SELENOT: variants seen among roughly 807,000 people sequenced by gnomAD.
SELENOT encodes the protein selenoprotein T.
SELENOT carries 9 observed loss-of-function variants against 24.3 expected under a neutral mutation model. The observed-to-expected ratio is 0.37, with a 90% confidence interval of 0.22 to 0.65. The LOEUF is 0.65. SELENOT is among the 30% of genes least tolerant of loss of function. SELENOT has a pLI of 0.60. For missense variants in SELENOT, 166 were observed against 247.6 expected, an observed-to-expected ratio of 0.67 and a Z score of 2.21; for synonymous variants, 81 against 86.0, an observed-to-expected ratio of 0.94 and a Z score of 0.32.
In SELENOT at chr3:150,628,128, A is replaced by G. The variant is rs1726482024; in HGVS notation, c.*499A>G. ...TTTATCAGACATCTCTAATTTGGCC[A>G]TGTCCAGTTTATACAGTTTACAAAA... On this transcript the variant is annotated 3_prime_UTR_variant, in exon 6 of 6. Transcript: ENST00000471696. 1 of 152,286 alleles carries G rather than the reference A, an allele frequency of 6.6e-6. No individual in the cohort carries two copies. Among genetic ancestry groups the G allele is most frequent in the Non-Finnish European group, 1.5e-5 (1 of 68,034 alleles). The allele number at this position is 152,286 out of a possible 1,614,324, so 9.4% of individuals were successfully genotyped here. A position where few individuals can be genotyped will look rare whatever the true frequency, so the allele number is the denominator to read the frequency against.
intron 1 of SELENOT, among the ~76,000 whole-genome samples, chr3:150,618,007 C>T (rs1726258483): frequency 6.6e-6 from 1 of 152,090 alleles, no homozygotes; most frequent in African/African-American, 2.4e-5. Flanking sequence ...CAGGCACGCG[C>T]CACCATGCCC....
intron 1 of SELENOT, chr3:150,614,626 C>T (rs1726172111): frequency 6.5e-6 from 1 of 154,002 alleles, no homozygotes; most frequent in South Asian, 2.0e-4. Flanking sequence ...TAAGATGAAC[C>T]TTGATAGGTA....
intron 1 of SELENOT, among the ~76,000 whole-genome samples, chr3:150,619,591 C>T (rs1034984779): frequency 7.2e-5 from 11 of 152,086 alleles, no homozygotes; most frequent in African/African-American, 2.7e-4. Flanking sequence ...ACATTTAGTC[C>T]GGAGCAGAAG....
chr3:150,611,603 T>A, intron 1 of SELENOT: 1 of 1,420,686 alleles, frequency 7.0e-7, no homozygotes. Flanking sequence ...TAAAGATGCC[T>A]GCGCTCTTAT....
chr3:150,607,555 C>A (rs1400754370), intron 1 of SELENOT, among the ~76,000 whole-genome samples: 1 of 152,282 alleles, frequency 6.6e-6, no homozygotes, highest in East Asian at 1.9e-4. Context: ...AGACATTAAT[C>A]CATGGACTGA....
At chr3:150,613,170 G>A (rs1726133851) in intron 1 of SELENOT, among the ~76,000 whole-genome samples, 1 of 152,184 alleles carries the variant, frequency 6.6e-6, no homozygotes, top group South Asian at 2.1e-4. Flanking sequence ...TGGAGGCTGG[G>A]AAGTCCACTG....
chr3:150,619,700 T>C (rs1349847272), intron 1 of SELENOT, among the ~76,000 whole-genome samples: 1 of 152,202 alleles, frequency 6.6e-6, no homozygotes, highest in Non-Finnish European at 1.5e-5. Flanking sequence ...AAGAGTGGAA[T>C]AATTTGAAAG....
intron 1 of SELENOT, among the ~76,000 whole-genome samples, chr3:150,605,955 C>T (rs1725952687): frequency 1.3e-5 from 2 of 152,216 alleles, no homozygotes; most frequent in East Asian, 3.9e-4. Flanking sequence ...CCTTCATTTC[C>T]ACTGACTTTT....
At chr3:150,622,634 A>G (rs1726367007) in intron 2 of SELENOT, 139 bp downstream of exon 2, 1 of 430,664 alleles carries the variant, frequency 2.3e-6, no homozygotes, top group Non-Finnish European at 4.1e-6. Context: ...TGTTTTATAT[A>G]TAACAAGTTT....
At chr3:150,619,113 G>A (rs1394638543) in intron 1 of SELENOT, among the ~76,000 whole-genome samples, 1 of 150,922 alleles carries the variant, frequency 6.6e-6, no homozygotes, top group Non-Finnish European at 1.5e-5. Flanking sequence ...CTCAGCTACT[G>A]GGGAAGCTGA....
intron 1 of SELENOT, among the ~76,000 whole-genome samples, chr3:150,614,071 G>C (rs1726158484): frequency 6.6e-6 from 1 of 152,052 alleles, no homozygotes; most frequent in South Asian, 2.1e-4. Flanking sequence ...GAACAGTTTT[G>C]AGTAGTGGCA....
chr3:150,625,870 CT>C (rs34698339), intron 4 of SELENOT, among the ~76,000 whole-genome samples: 36,620 of 138,884 alleles, frequency 0.26, 4,057 homozygotes, highest in East Asian at 0.47. Flanking sequence ...TAAACAATAA[CT>C]TTTTTTTTTT....
intron 1 of SELENOT, among the ~76,000 whole-genome samples, chr3:150,609,239 C>T (rs1726031919): frequency 6.6e-6 from 1 of 152,190 alleles, no homozygotes; most frequent in African/African-American, 2.4e-5. Flanking sequence ...TCGGCCTGGC[C>T]TCCGTGCCTC....
chr3:150,622,520 G>A (rs1363430941), intron 2 of SELENOT, 25 bp downstream of exon 2: 29 of 1,153,936 alleles, frequency 2.5e-5, no homozygotes, highest in Non-Finnish European at 3.5e-5. Flanking sequence ...TAACTTAAAA[G>A]GAAAACAATG....
intron 1 of SELENOT, among the ~76,000 whole-genome samples, chr3:150,607,748 CTTATAG>C: frequency 6.6e-6 from 1 of 152,294 alleles, no homozygotes; most frequent in East Asian, 1.9e-4. Context: ...GTTCAGTGTA[CTTATAG>C]TAGGAAAGAC....
At chr3:150,626,804 G>A (rs1726454893) in intron 4 of SELENOT, 1 of 530,050 alleles carries the variant, frequency 1.9e-6, no homozygotes, top group Non-Finnish European at 3.3e-6. Context: ...TTAGTTCTAA[G>A]TACACAATTG....
At position 150,618,309 on chromosome 3, in the gene SELENOT, TCAAA is replaced by T. The variant is rs1726263419; in HGVS notation, c.138-4074_138-4071del. On this transcript the variant is annotated intron_variant, in intron 1 of 5. Coordinates refer to ENST00000471696, the MANE Select transcript of SELENOT (RefSeq NM_016275.5). ...GCTATGCGTGGATGGCTATTGTGAATCAAACGAGAGAGTGAATTGGAGAGATTGT... is the reference window on the plus strand; with the variant it reads ...GCTATGCGTGGATGGCTATTGTGAATCGAGAGAGTGAATTGGAGAGATTGT... Among the ~76,000 whole-genome samples, 3 of 152,330 alleles carry T rather than the reference TCAAA, an allele frequency of 2.0e-5. No individual in the cohort carries two copies. In the East Asian group the frequency reaches 5.8e-4, roughly 29 times the overall value.
intron 1 of SELENOT, 31 bp downstream of exon 1, chr3:150,603,530 C>G (rs558680596): frequency 1.9e-6 from 3 of 1,551,416 alleles, no homozygotes; most frequent in Non-Finnish European, 1.8e-6. Flanking sequence ...CCGGCCACCC[C>G]GCCGCGCCTC....
chr3:150,611,359 G>T, intron 1 of SELENOT: 1 of 1,183,772 alleles, frequency 8.4e-7, no homozygotes, highest in Non-Finnish European at 1.3e-6. Flanking sequence ...CACTGGAATA[G>T]ACCTAAAGTG....
Sources: gnomAD v4.1 joint callset for allele counts (sites outside exome capture counted in the v4.1 genomes callset) on GRCh38, gnomAD v4.1.1 for gene constraint, MANE v1.5 for transcripts, NCBI Gene and HGNC (gene_info 2026-07-23, HGNC 2026-07-21) for gene names.